TRIM24: variants seen among roughly 807,000 people sequenced by gnomAD.
TRIM24 encodes tripartite motif containing 24, also known as transcription intermediary factor 1-alpha.
In TRIM24, 29 loss-of-function variants were observed where a neutral mutation model predicts 123.9. The observed-to-expected ratio is 0.23, with a 90% CI of 0.17 to 0.32. The LOEUF is 0.32. Ranked by LOEUF, TRIM24 falls within the 10% of genes least tolerant of loss-of-function variation. The pLI is 1.00. For missense variants in TRIM24, 932 were observed against 1,295.3 expected, an observed-to-expected ratio of 0.72 and a Z score of 4.31; for synonymous variants, 456 against 461.1, an observed-to-expected ratio of 0.99 and a Z score of 0.14.
intron 9 of TRIM24, among the ~76,000 whole-genome samples, chr7:138,567,191 T>C (rs28598597): frequency 0.018 from 2,777 of 152,250 alleles, 71 homozygotes; most frequent in African/African-American, 0.061. Flanking sequence ...ACACATTTTA[T>C]TTACTTCCCA....
At chr7:138,516,229 G>C (rs1796391539) in intron 3 of TRIM24, among the ~76,000 whole-genome samples, 1 of 152,188 alleles carries the variant, frequency 6.6e-6, no homozygotes, top group African/African-American at 2.4e-5. Context: ...GTGAACCCGG[G>C]AGGCGGAGCT....
chr7:138,565,000 T>C (rs1797505878), intron 9 of TRIM24, among the ~76,000 whole-genome samples: 1 of 152,138 alleles, frequency 6.6e-6, no homozygotes, highest in African/African-American at 2.4e-5. Flanking sequence ...AGGCTCTGTT[T>C]TGACCCCCAC....
chr7:138,573,598 C>T lies in TRIM24; in HGVS notation c.1970C>T (p.Thr657Met), dbSNP rs117526640. 3.9e-4 allele frequency: 627 copies of T among 1,613,912 alleles called. 4 individuals are homozygous for T. In the East Asian group the frequency reaches 0.011, roughly 29 times the overall value. ...HGQPRPPSNRTVQSPNSSVPS... is the reference protein window; with the variant it reads ...HGQPRPPSNRMVQSPNSSVPS... ...CAGCCAAGACCACCCTCAAACAGAA[C>T]GGTCCAGTCACCAAATTCATCAGTG... The change falls in exon 12 of 19, where the codon ACG becomes ATG. Residue 657 changes from threonine (T) to methionine (M), a missense_variant. Physicochemically the swap from Thr to Met is moderately conservative, Grantham distance 81 (BLOSUM62 -1). Around this residue, in one of 7 missense-constraint regions of TRIM24, gnomAD observed 527 missense variants for 691.3 expected, o/e 0.76. Coordinates refer to ENST00000343526, the MANE Select transcript of TRIM24 (RefSeq NM_015905.3).
chr7:138,540,538 C>A lies in TRIM24; in HGVS notation c.1143+1735C>A, dbSNP rs572758911. Among the ~76,000 whole-genome samples the A allele has an allele frequency of 1.1e-4, 16 of 152,322 alleles. No individual in the cohort carries two copies. The South Asian group carries it at 2.3e-3, about 22-fold the overall frequency. ...CCATTCAAGTTTGATCATAGGATTGCAGCAATTCAGTCACATCTTTAGGCT... is the reference window on the plus strand; with the variant it reads ...CCATTCAAGTTTGATCATAGGATTGAAGCAATTCAGTCACATCTTTAGGCT... On this transcript the variant is annotated intron_variant, in intron 7 of 18. Transcript: ENST00000343526.
In TRIM24 at chr7:138,554,716, A is replaced by C; in HGVS notation, c.1280A>C (p.Asp427Ala). 6.2e-7 allele frequency: 1 copy of C among 1,614,116 alleles called. No homozygotes were observed. The highest frequency in any genetic ancestry group is 8.5e-7 in the Non-Finnish European group (1 of 1,179,956). Residue 427 changes from aspartate to alanine, a missense_variant, in exon 9 of 19, where the codon GAT (aspartate) becomes GCT (alanine). Coordinates refer to ENST00000343526, the MANE Select transcript of TRIM24 (RefSeq NM_015905.3). This position sits in a 1 kb window ranked among gnomAD's most constrained non-coding sequence, Gnocchi z 4.5. ...TAATTAGGTTCTTTAGTAATCGAGG[A>C]TAAAGAGAGCCAGCCACAAATGCCT... ...IINLGSLVIE[D>A]KESQPQMPKQ...
chr7:138,524,421 T>C (rs1419455654), intron 4 of TRIM24, among the ~76,000 whole-genome samples: 1 of 152,154 alleles, frequency 6.6e-6, no homozygotes, highest in African/African-American at 2.4e-5. Context: ...TAAAAGTATT[T>C]GAAATGTTAT....
At chr7:138,496,237 T>G (rs560718637) in intron 1 of TRIM24, among the ~76,000 whole-genome samples, 2 of 152,354 alleles carry the variant, frequency 1.3e-5, no homozygotes, top group South Asian at 4.1e-4. Context: ...ATGTTTTTAA[T>G]GTCTCTATTT....
At chr7:138,573,047 G>A (rs1270875422) in intron 11 of TRIM24, among the ~76,000 whole-genome samples, 1 of 152,146 alleles carries the variant, frequency 6.6e-6, no homozygotes, top group African/African-American at 2.4e-5. Flanking sequence ...GATCCACTAG[G>A]TCCTATCTAT....
chr7:138,545,406 G>A (rs1449464741), intron 7 of TRIM24: 1 of 456,658 alleles, frequency 2.2e-6, no homozygotes, highest in East Asian at 6.9e-5. Context: ...GTTACATTGA[G>A]TAAATAAGTA....
At chr7:138,489,237 G>C (rs1054599158) in intron 1 of TRIM24, among the ~76,000 whole-genome samples, 18 of 152,156 alleles carry the variant, frequency 1.2e-4, no homozygotes, top group African/African-American at 4.3e-4. Flanking sequence ...GAGCCTATGT[G>C]TGTCTGTGCA....
chr7:138,589,819 G>C lies in TRIM24; in HGVS notation c.*4868G>C, dbSNP rs1043530422. 1 of 152,122 alleles carries C rather than the reference G, an allele frequency of 6.6e-6. No individual in the cohort carries two copies. Among genetic ancestry groups the C allele is most frequent in the Non-Finnish European group, 1.5e-5 (1 of 68,002 alleles). The allele number at this position is 152,122 out of a possible 1,614,324, so 9.4% of individuals were successfully genotyped here. On this transcript the variant is annotated 3_prime_UTR_variant, in exon 19 of 19. Coordinates refer to ENST00000343526, the MANE Select transcript of TRIM24 (RefSeq NM_015905.3). ...TAAAGTTTGAAAGGTTTTGATTCTT[G>C]TAATTTCTGAGAATTACTATGTTTT...
intron 9 of TRIM24, among the ~76,000 whole-genome samples, chr7:138,566,677 T>C (rs1797542340): frequency 6.6e-6 from 1 of 152,160 alleles, no homozygotes; most frequent in Non-Finnish European, 1.5e-5. Context: ...TGTGACTTTT[T>C]TCAAATTATG....
chr7:138,474,433 A>T (rs1018228730), intron 1 of TRIM24, among the ~76,000 whole-genome samples: 1 of 152,022 alleles, frequency 6.6e-6, no homozygotes, highest in Non-Finnish European at 1.5e-5. Flanking sequence ...CCTATCTTGT[A>T]CTTTTTCTAT....
chr7:138,479,401 C>T (rs930562141), intron 1 of TRIM24, among the ~76,000 whole-genome samples: 4 of 151,316 alleles, frequency 2.6e-5, no homozygotes, highest in Non-Finnish European at 5.9e-5. Context: ...TTGACAGGGT[C>T]TTGCTCTGTC....
chr7:138,508,726 T>TGTGC (rs1796220801), intron 2 of TRIM24, among the ~76,000 whole-genome samples: 2 of 149,064 alleles, frequency 1.3e-5, no homozygotes, highest in African/African-American at 2.5e-5. Context: ...TGTGCGTGTG[T>TGTGC]GTGTGTGTGT....
At chr7:138,523,769 AAAGC>A (rs1378289760) in intron 4 of TRIM24, among the ~76,000 whole-genome samples, 1 of 151,806 alleles carries the variant, frequency 6.6e-6, no homozygotes, top group Non-Finnish European at 1.5e-5. Flanking sequence ...AAAAAAAAAA[AAAGC>A]CCCTTTCTTA....
At chr7:138,571,062 G>A in intron 11 of TRIM24, 59 bp downstream of exon 11, 1 of 1,545,852 alleles carries the variant, frequency 6.5e-7, no homozygotes, top group Non-Finnish European at 8.9e-7. Flanking sequence ...GGGTGCAGTG[G>A]CTCACTCCTG....
intron 6 of TRIM24, among the ~76,000 whole-genome samples, chr7:138,536,031 G>A (rs377302495): frequency 7.9e-5 from 12 of 151,928 alleles, no homozygotes; most frequent in East Asian, 7.7e-4. Flanking sequence ...TTGTGCATTC[G>A]TCACGTACTT....
chr7:138,483,782 TG>T (rs1324894518), intron 1 of TRIM24, among the ~76,000 whole-genome samples: 1 of 152,200 alleles, frequency 6.6e-6, no homozygotes, highest in African/African-American at 2.4e-5. Context: ...ATCATGAAAG[TG>T]GGGTGCCCCT....
Sources: gnomAD v4.1 joint callset for allele counts (sites outside exome capture counted in the v4.1 genomes callset) on GRCh38, gnomAD v4.1.1 for gene constraint, gnomAD v4.1.1 regional missense constraint, Gnocchi (gnomAD v3.1) non-coding constraint, MANE v1.5 for transcripts, NCBI Gene and HGNC (gene_info 2026-07-23, HGNC 2026-07-21) for gene names.